Variants in RADIL observed in about 807,000 individuals in gnomAD.
The protein encoded by RADIL is ras-associating and dilute domain-containing protein.
Under a neutral mutation model 97.6 loss-of-function variants are expected in RADIL, and 99 were observed. The ratio of observed to expected loss-of-function variants is 1.01; its 90% CI spans 0.86 to 1.20. RADIL has a LOEUF of 1.20. Ranked by LOEUF, RADIL falls within the 50% of genes most tolerant of loss-of-function variation. The pLI is 0.00. For synonymous variants in RADIL, 803 were observed against 691.8 expected, an observed-to-expected ratio of 1.16 and a Z score of -2.52; for missense variants, 1,765 against 1,498.9, an observed-to-expected ratio of 1.18 and a Z score of -2.93.
rs191942984 is a variant in RADIL at position 4,805,510 on chromosome 7, C to T, written c.2290+56G>A. 173 of 1,494,216 alleles carry T rather than the reference C, an allele frequency of 1.2e-4. 1 individual carries two copies. The East Asian group carries it at 2.3e-3, about 20-fold the overall frequency. The allele number at this position is 1,494,216 out of a possible 1,614,324, so 92.6% of individuals were successfully genotyped here. A position where few individuals can be genotyped will look rare whatever the true frequency, so the allele number is the denominator to read the frequency against. On this transcript the variant is annotated intron_variant, in intron 10 of 14. Coordinates refer to ENST00000399583, the MANE Select transcript of RADIL (RefSeq NM_018059.5). Reference sequence around the variant, plus strand: ...GATGAGAGCATGCTGCCTCCAGCCTCGGGGCGAGTCTCCCACTGAGTCCCC... The same window carrying T: ...GATGAGAGCATGCTGCCTCCAGCCTTGGGGCGAGTCTCCCACTGAGTCCCC...
rs763539804 is a variant in RADIL, at chr7:4,805,547, G to A, written c.2290+19C>T. On this transcript the variant is annotated intron_variant, in intron 10 of 14. Coordinates refer to ENST00000399583, the MANE Select transcript of RADIL (RefSeq NM_018059.5). ...CCCACTGAGTCCCCAGCCCTCTCCT[G>A]CCCTGGGGCAGGGCTTACCTGACCT... 1 of 1,569,310 alleles carries A rather than the reference G, an allele frequency of 6.4e-7. No homozygotes were observed. The highest frequency in any genetic ancestry group is 1.9e-5 in the Admixed American group (1 of 53,772).
rs147765461 is a variant in RADIL at position 4,848,055 on chromosome 7, G to T, written c.536-11450C>A. Among the ~76,000 whole-genome samples, 642 of 152,060 alleles carry T rather than the reference G, an allele frequency of 4.2e-3. 2 individuals carry two copies. The highest frequency in any genetic ancestry group is 0.015 in the African/African-American group (604 of 41,476). ...TACCAAAAATACAAAAATTAGTCAG[G>T]CATGGTGGCACACATCTGTAGTCCC... On this transcript the variant is annotated intron_variant, in intron 2 of 14. Coordinates refer to ENST00000399583, the MANE Select transcript of RADIL (RefSeq NM_018059.5).
chr7:4,806,294 C>T (rs930535690), intron 9 of RADIL, among the ~76,000 whole-genome samples: 1 of 152,222 alleles, frequency 6.6e-6, no homozygotes, highest in Non-Finnish European at 1.5e-5. Flanking sequence ...GGACCACAGG[C>T]TTGCACCATT....
At chr7:4,875,084 C>T (rs540834024) in intron 2 of RADIL, among the ~76,000 whole-genome samples, 3 of 143,406 alleles carry the variant, frequency 2.1e-5, no homozygotes, top group African/African-American at 6.0e-5. Flanking sequence ...CCCAGCTACT[C>T]GGGAGGCTGA....
Position 4,836,613 on chromosome 7 carries a change from A to G in RADIL, c.536-8T>C. On this transcript the variant is annotated splice_region_variant and splice_polypyrimidine_tract_variant and intron_variant, in intron 2 of 14. Transcript: ENST00000399583. ...GGGCCTGGGCGTTTATCCCTGGAAC[A>G]GAAGCAACACAAGGTGAACAGTTAG... The G allele has an allele frequency of 6.2e-7, 1 of 1,605,996 alleles. No homozygotes were observed. The highest frequency in any genetic ancestry group is 8.5e-7 in the Non-Finnish European group (1 of 1,179,672).
chr7:4,803,717 G>C lies in RADIL; in HGVS notation c.2328C>G (p.Ile776Met). The C allele has an allele frequency of 6.4e-7, 1 of 1,567,598 alleles. No individual in the cohort carries two copies. Among genetic ancestry groups the C allele is most frequent in the African/African-American group, 1.4e-5 (1 of 73,846 alleles). The change falls in exon 11 of 15, where the codon ATC becomes ATG. Residue 776 changes from isoleucine to methionine, a missense_variant. Coordinates refer to ENST00000399583, the MANE Select transcript of RADIL (RefSeq NM_018059.5). ...CCTGGAAGCCGTCGCTGGGCAGGAC[G>C]ATGGGTGGGGGGTTTTCGTAGGACT... ...VLESYENPPP[I>M]VLPSDGFQVD... is the part of the protein sequence containing the mutation.
At position 4,813,730 on chromosome 7, in the gene RADIL, A is replaced by G. The variant is rs1782605586; in HGVS notation, c.2139+1548T>C. Among the ~76,000 whole-genome samples the G allele has an allele frequency of 6.6e-6, 1 of 152,196 alleles. No individual in the cohort carries two copies. Among genetic ancestry groups the G allele is most frequent in the Non-Finnish European group, 1.5e-5 (1 of 68,034 alleles). Reference sequence around the variant, plus strand: ...GGAGCTCGCTCACGCCTTTCAACAGATGACTTTGTGTTTCTTTCCGGCTGT... The same window carrying G: ...GGAGCTCGCTCACGCCTTTCAACAGGTGACTTTGTGTTTCTTTCCGGCTGT... On this transcript the variant is annotated intron_variant, in intron 9 of 14. Coordinates refer to ENST00000399583, the MANE Select transcript of RADIL (RefSeq NM_018059.5). The surrounding 1 kb of genome is among the most constrained non-coding windows in gnomAD (Gnocchi z 5.0).
At chr7:4,860,075 TG>T in intron 2 of RADIL, 1 of 1,614,050 alleles carries the variant, frequency 6.2e-7, no homozygotes, top group South Asian at 1.1e-5. Context: ...GGTATTCACC[TG>T]TTGCAAGGAA....
In RADIL at chr7:4,875,247, C is replaced by T. The variant is rs184521113; in HGVS notation, c.535+2358G>A. Among the ~76,000 whole-genome samples, 883 of 125,228 alleles carry T rather than the reference C, an allele frequency of 7.1e-3. 114 individuals carry two copies. The highest frequency in any genetic ancestry group is 0.038 in the African/African-American group (735 of 19,410). The allele number at this position is 125,228 out of a possible 152,430, so 82.2% of individuals were successfully genotyped here. A position where few individuals can be genotyped will look rare whatever the true frequency, so the allele number is the denominator to read the frequency against. ...CAACAACAACAACAACAAAATTAGC[C>T]GGGCGTGGTGGTGGTGCATGCCGTA... is the stretch of plus-strand genomic sequence containing the variant. On this transcript the variant is annotated intron_variant, in intron 2 of 14. Transcript: ENST00000399583.
rs1012851635 is a variant in RADIL at position 4,798,376 on chromosome 7, G to A, written c.*1002C>T. On this transcript the variant is annotated 3_prime_UTR_variant, in exon 15 of 15. Coordinates refer to ENST00000399583, the MANE Select transcript of RADIL (RefSeq NM_018059.5). ...CCCGCACAGACCTCTGTCCCAGTGA[G>A]AGGTGCATCTGCAACTGATGCCGGG... is the stretch of plus-strand genomic sequence containing the variant. 2 of 152,360 alleles carry A rather than the reference G, an allele frequency of 1.3e-5. No homozygotes were observed. The highest frequency in any genetic ancestry group is 4.8e-5 in the African/African-American group (2 of 41,586). The allele number at this position is 152,360 out of a possible 1,614,324, so 9.4% of individuals were successfully genotyped here. A position where few individuals can be genotyped will look rare whatever the true frequency, so the allele number is the denominator to read the frequency against.
chr7:4,832,090 C>T (rs764979324), intron 5 of RADIL, 51 bp downstream of exon 5: 3 of 1,595,894 alleles, frequency 1.9e-6, no homozygotes, highest in African/African-American at 2.7e-5. Flanking sequence ...GAAGTGTGAG[C>T]CCCCAGGACC....
At chr7:4,801,549 A>G in intron 12 of RADIL, 104 bp downstream of exon 12, 1 of 1,281,952 alleles carries the variant, frequency 7.8e-7, no homozygotes, top group Non-Finnish European at 1.1e-6. Flanking sequence ...GGGGCAGGTA[A>G]GGAAACCTAG....
In RADIL at chr7:4,865,854, G is replaced by C. The variant is rs73318107; in HGVS notation, c.535+11751C>G. On this transcript the variant is annotated intron_variant, in intron 2 of 14. Coordinates refer to ENST00000399583, the MANE Select transcript of RADIL (RefSeq NM_018059.5). ...TGAGTGAACCCCTTTTCTGTGTTGA[G>C]ATATGTTTAGACACACAAATATTTA... is the stretch of plus-strand genomic sequence containing the variant. 0.01 allele frequency: 6,940 copies of C among 693,524 alleles called. 381 individuals are homozygous for C. The African/African-American group carries it at 0.11, about 11-fold the overall frequency. The allele number at this position is 693,524 out of a possible 1,614,324, so 43.0% of individuals were successfully genotyped here. A position where few individuals can be genotyped will look rare whatever the true frequency, so the allele number is the denominator to read the frequency against.
chr7:4,846,298 C>T (rs1387669527), intron 2 of RADIL, among the ~76,000 whole-genome samples: 1 of 151,906 alleles, frequency 6.6e-6, no homozygotes, highest in Non-Finnish European at 1.5e-5. Flanking sequence ...GGGTGCCTGC[C>T]TCCATGCCCA....
chr7:4,809,380 G>A (rs1362885615), intron 9 of RADIL: 2 of 985,300 alleles, frequency 2.0e-6, no homozygotes, highest in Non-Finnish European at 2.4e-6. Context: ...GCTGAGCGGG[G>A]GGAGGCGGAG....
At chr7:4,851,529 G>A (rs988003731) in intron 2 of RADIL, among the ~76,000 whole-genome samples, 5 of 152,166 alleles carry the variant, frequency 3.3e-5, no homozygotes, top group African/African-American at 7.2e-5. Flanking sequence ...GGAAGCGAGG[G>A]GCATGTTACT....
At chr7:4,832,383 T>C (rs1431179547) in intron 4 of RADIL, among the ~76,000 whole-genome samples, 3 of 152,172 alleles carry the variant, frequency 2.0e-5, no homozygotes, top group African/African-American at 7.2e-5. Context: ...GACTATGACC[T>C]ACAAGTTTGC....
chr7:4,843,368 A>G (rs1422819605), intron 2 of RADIL, among the ~76,000 whole-genome samples: 1 of 151,504 alleles, frequency 6.6e-6, no homozygotes, highest in Non-Finnish European at 1.5e-5. Context: ...TGCTCAATAA[A>G]CTCTGCAGTT....
At chr7:4,865,667 C>G in intron 2 of RADIL, 1 of 961,116 alleles carries the variant, frequency 1.0e-6, no homozygotes, top group South Asian at 1.3e-5. Context: ...CACTTTGATC[C>G]TTTCTTGCAA....
Sources: gnomAD v4.1 joint callset for allele counts (sites outside exome capture counted in the v4.1 genomes callset) on GRCh38, gnomAD v4.1.1 for gene constraint, Gnocchi (gnomAD v3.1) non-coding constraint, MANE v1.5 for transcripts, NCBI Gene and HGNC (gene_info 2026-07-23, HGNC 2026-07-21) for gene names.